Variants in UNC13C observed in about 807,000 individuals in gnomAD.
UNC13C encodes the protein protein unc-13 homolog C.
UNC13C carries 174 observed loss-of-function variants against 245.4 expected under a neutral mutation model. That is an observed-to-expected ratio of 0.71 (90% CI 0.63 to 0.80). The LOEUF is 0.80. Ranked by LOEUF, UNC13C falls within the 30% of genes least tolerant of loss-of-function variation. The probability of loss-of-function intolerance (pLI) is 0.00; values close to 1 mark genes in which losing one functional copy is unlikely to be tolerated. For synonymous variants in UNC13C, 992 were observed against 895.1 expected (o/e 1.11, Z -1.93); for missense variants, 2,829 against 2,602.9 (o/e 1.09, Z -1.89).
chr15:54,065,073 T>A (rs1440792017), intron 2 of UNC13C, among the ~76,000 whole-genome samples: 1 of 152,236 alleles, frequency 6.6e-6, no homozygotes, highest in Non-Finnish European at 1.5e-5. Context: ...AAATTAGATA[T>A]GCAAACCAGA....
intron 24 of UNC13C, among the ~76,000 whole-genome samples, chr15:54,513,275 A>C (rs528994767): frequency 6.6e-6 from 1 of 152,356 alleles, no homozygotes; most frequent in East Asian, 1.9e-4. Flanking sequence ...TCTCCTTCCT[A>C]TAAATTTTAA....
chr15:53,942,705 C>A, the UNC13C span, among the ~76,000 whole-genome samples: 7 of 152,064 alleles, frequency 4.6e-5, no homozygotes, highest in Non-Finnish European at 5.9e-5. Context: ...ACTCTGTCAC[C>A]CAGGCTGGAG....
At chr15:53,841,737 A>G in the UNC13C span, among the ~76,000 whole-genome samples, 1 of 152,086 alleles carries the variant, frequency 6.6e-6, no homozygotes, top group African/African-American at 2.4e-5. Context: ...TGAGGACTGG[A>G]AGATCGTCAG....
chr15:54,612,808 CCTTATTAGACTTTGAGATAT>C (rs1900192320), intron 30 of UNC13C, among the ~76,000 whole-genome samples: 1 of 151,922 alleles, frequency 6.6e-6, no homozygotes, highest in Admixed American at 6.6e-5. Context: ...TTTTATCACA[CCTTATTAGACTTTGAGATAT>C]TTATTAGGGT....
chr15:54,284,240 G>A lies in UNC13C; in HGVS notation c.3819-9655G>A, dbSNP rs566605926. Among the ~76,000 whole-genome samples the A allele has an allele frequency of 9.0e-4, 137 of 152,230 alleles. 1 individual carries two copies. Among genetic ancestry groups the A allele is most frequent in the Non-Finnish European group, 1.8e-4 (12 of 68,000 alleles). ...CAAACATACATCCAAAGTGGATCTT[G>A]TTTCTTCAAACAAATAGTTTAATTT... is the stretch of plus-strand genomic sequence containing the variant. On this transcript the variant is annotated intron_variant, in intron 10 of 32. Transcript: ENST00000260323.
At chr15:53,854,478 G>A in the UNC13C span, among the ~76,000 whole-genome samples, 288 of 152,230 alleles carry the variant, frequency 1.9e-3, 1 homozygote, top group Middle Eastern at 6.8e-3. Flanking sequence ...TATATATGGT[G>A]TAAGGAAGGG....
chr15:53,897,467 T>TG, the UNC13C span, among the ~76,000 whole-genome samples: 1 of 152,194 alleles, frequency 6.6e-6, no homozygotes, highest in Non-Finnish European at 1.5e-5. Context: ...TTTGTAGGGA[T>TG]GAGGGTCTCA....
chr15:54,282,145 C>T (rs377519666), intron 10 of UNC13C, among the ~76,000 whole-genome samples: 53 of 152,184 alleles, frequency 3.5e-4, no homozygotes, highest in African/African-American at 1.2e-3. Flanking sequence ...GTATTCTGAA[C>T]TACATCTCCA....
At chr15:54,189,722 A>C (rs1595976207) in intron 4 of UNC13C, among the ~76,000 whole-genome samples, 1 of 152,150 alleles carries the variant, frequency 6.6e-6, no homozygotes, top group Non-Finnish European at 1.5e-5. Context: ...TTGCCTGGTC[A>C]TGAGACAGTG....
the UNC13C span, chr15:53,955,975 C>G: frequency 6.6e-6 from 1 of 152,304 alleles, no homozygotes; most frequent in East Asian, 1.9e-4. Context: ...GGTATATATA[C>G]ACAATGGAAT....
intron 30 of UNC13C, among the ~76,000 whole-genome samples, chr15:54,615,751 T>C (rs2460606): frequency 0.78 from 117,971 of 151,958 alleles, 46,628 homozygotes; most frequent in African/African-American, 0.94. Context: ...AAACAAGTAA[T>C]GGTGACTGGC....
At chr15:54,467,814 A>G (rs1596434410) in intron 19 of UNC13C, among the ~76,000 whole-genome samples, 3 of 151,814 alleles carry the variant, frequency 2.0e-5, no homozygotes, top group African/African-American at 7.2e-5. Context: ...AAGGCTCAAT[A>G]GTATCTCATT....
intron 12 of UNC13C, 24 bp from the exon 13 acceptor site, chr15:54,300,186 C>T: frequency 6.3e-7 from 1 of 1,583,290 alleles, no homozygotes; most frequent in Non-Finnish European, 8.6e-7. Context: ...AATCACTGAA[C>T]AATTAAAAAC....
At chr15:54,164,901 TA>T (rs2033112808) in intron 4 of UNC13C, among the ~76,000 whole-genome samples, 1 of 152,212 alleles carries the variant, frequency 6.6e-6, no homozygotes, top group South Asian at 2.1e-4. Context: ...GGTTTATCTA[TA>T]GGTTTTGATA....
chr15:54,382,517 C>T (rs1361228153), intron 17 of UNC13C, among the ~76,000 whole-genome samples: 1 of 151,928 alleles, frequency 6.6e-6, no homozygotes, highest in African/African-American at 2.4e-5. Flanking sequence ...GTTAAGGTTG[C>T]AGTGAGCCAA....
chr15:54,123,945 T>C (rs2141199782), intron 2 of UNC13C, among the ~76,000 whole-genome samples: 1 of 152,312 alleles, frequency 6.6e-6, no homozygotes, highest in Non-Finnish European at 1.5e-5. Context: ...AATGAAATTA[T>C]AGAACTTCTG....
chr15:53,964,698 C>G, the UNC13C span, among the ~76,000 whole-genome samples: 1 of 152,080 alleles, frequency 6.6e-6, no homozygotes, highest in Admixed American at 6.6e-5. Flanking sequence ...GAAACAAAGA[C>G]TATTAAAGAT....
the UNC13C span, among the ~76,000 whole-genome samples, chr15:53,878,214 C>T: frequency 1.3e-5 from 2 of 152,118 alleles, no homozygotes; most frequent in African/African-American, 4.8e-5. Flanking sequence ...TTGCTGTCAA[C>T]TTAGAAACTC....
At chr15:54,345,336 A>G (rs564013408) in intron 17 of UNC13C, among the ~76,000 whole-genome samples, 1 of 152,336 alleles carries the variant, frequency 6.6e-6, no homozygotes, top group South Asian at 2.1e-4. Flanking sequence ...ACAAGATTGA[A>G]TGAAGTGCCC....
Sources: gnomAD v4.1 joint callset for allele counts (sites outside exome capture counted in the v4.1 genomes callset) on GRCh38, gnomAD v4.1.1 for gene constraint, MANE v1.5 for transcripts, NCBI Gene and HGNC (gene_info 2026-07-23, HGNC 2026-07-21) for gene names.